Variants in MBNL2 observed in about 807,000 individuals in gnomAD.
MBNL2 encodes muscleblind-like protein 2.
In MBNL2, 17 loss-of-function variants were observed where a neutral mutation model predicts 41.9. The ratio of observed to expected loss-of-function variants is 0.41; its 90% confidence interval spans 0.28 to 0.61. The LOEUF is 0.61. MBNL2 is among the 20% of genes least tolerant of loss of function. The pLI, the probability that MBNL2 is intolerant of heterozygous loss-of-function variation, is 0.35. For synonymous variants in MBNL2, 195 were observed against 182.9 expected (o/e 1.07, Z -0.53); for missense variants, 336 against 505.6 (o/e 0.66, Z 3.22).
the MBNL2 span, among the ~76,000 whole-genome samples, chr13:97,181,582 C>T: frequency 2.0e-5 from 3 of 152,162 alleles, no homozygotes; most frequent in African/African-American, 7.2e-5. Context: ...CCCTTTTGAA[C>T]ACGTATAGGA....
chr13:97,382,698 G>T (rs1451795669), intron 8 of MBNL2, among the ~76,000 whole-genome samples: 1 of 149,550 alleles, frequency 6.7e-6, no homozygotes, highest in African/African-American at 2.5e-5. Flanking sequence ...TTTTGAAAAG[G>T]GTGTCTCACT....
At chr13:97,311,670 A>T (rs1288081186) in intron 2 of MBNL2, among the ~76,000 whole-genome samples, 8 of 151,266 alleles carry the variant, frequency 5.3e-5, no homozygotes, top group East Asian at 3.9e-4. Flanking sequence ...TTTTTTTTTA[A>T]AAAAAAACCA....
At chr13:97,368,736 G>A (rs1372138856) in intron 8 of MBNL2, among the ~76,000 whole-genome samples, 2 of 145,818 alleles carry the variant, frequency 1.4e-5, no homozygotes, top group African/African-American at 5.1e-5. Context: ...GTTCGTGTCT[G>A]TGTATGTGTG....
At chr13:97,367,482 C>CA (rs1363790547) in intron 8 of MBNL2, among the ~76,000 whole-genome samples, 1 of 152,130 alleles carries the variant, frequency 6.6e-6, no homozygotes, top group African/African-American at 2.4e-5. Flanking sequence ...TAAAAGATGA[C>CA]AAGGGATAAA....
intron 1 of MBNL2, among the ~76,000 whole-genome samples, chr13:97,266,988 T>C (rs758099345): frequency 2.0e-5 from 3 of 152,178 alleles, no homozygotes; most frequent in Non-Finnish European, 4.4e-5. Context: ...GACCCGAAAG[T>C]AAACTGGAGG....
chr13:97,266,886 T>G (rs772455757), intron 1 of MBNL2, among the ~76,000 whole-genome samples: 33 of 152,222 alleles, frequency 2.2e-4, no homozygotes, highest in Non-Finnish European at 2.9e-5. Context: ...AGTTCTTGAC[T>G]GTCTGACTCA....
In MBNL2 at chr13:97,305,353, T is replaced by C. The variant is rs578043357; in HGVS notation, c.175-28923T>C. Reference sequence around the variant, plus strand: ...GGAAATAATAGTGAAATCTAAGAGGTACACATGTATCAGATGATATGAGCA... The same window carrying C: ...GGAAATAATAGTGAAATCTAAGAGGCACACATGTATCAGATGATATGAGCA... On this transcript the variant is annotated intron_variant, in intron 2 of 8. Coordinates refer to ENST00000679496, the MANE Select transcript of MBNL2 (RefSeq NM_001382683.1). Among the ~76,000 whole-genome samples the C allele has an allele frequency of 3.9e-5, 6 of 152,324 alleles. No homozygotes were observed. The South Asian group carries it at 1.2e-3, about 32-fold the overall frequency.
At chr13:97,154,216 A>T in the MBNL2 span, among the ~76,000 whole-genome samples, 1 of 152,272 alleles carries the variant, frequency 6.6e-6, no homozygotes, top group African/African-American at 2.4e-5. Flanking sequence ...GTTAGACTGG[A>T]GATGGACTGA....
Position 97,382,825 on chromosome 13 carries a change from AT to A in MBNL2, c.1049-8490del, listed in dbSNP as rs1189495166. Among the ~76,000 whole-genome samples, 3 of 151,864 alleles carry A rather than the reference AT, an allele frequency of 2.0e-5. No homozygotes were observed. The East Asian group carries it at 5.8e-4, about 29-fold the overall frequency. On this transcript the variant is annotated intron_variant, in intron 8 of 8. Coordinates refer to ENST00000679496, the MANE Select transcript of MBNL2 (RefSeq NM_001382683.1). ...GCCTCACTTGGGCCATGCCTGGCTA[AT>A]TTTTTTGTAGAGACAGGGTTTCACT...
chr13:97,281,386 A>G (rs1259921728), intron 2 of MBNL2, among the ~76,000 whole-genome samples: 1 of 152,258 alleles, frequency 6.6e-6, no homozygotes, highest in Admixed American at 6.5e-5. Context: ...CTCTGGAAGT[A>G]TAATACAACA....
At chr13:97,213,340 G>C in the MBNL2 span, among the ~76,000 whole-genome samples, 2 of 152,064 alleles carry the variant, frequency 1.3e-5, no homozygotes, top group Non-Finnish European at 2.9e-5. Context: ...ACCTGGGCCA[G>C]AGTTTTCCAA....
intron 2 of MBNL2, among the ~76,000 whole-genome samples, chr13:97,310,874 T>A (rs1373785201): frequency 6.6e-6 from 1 of 151,872 alleles, no homozygotes; most frequent in Non-Finnish European, 1.5e-5. Flanking sequence ...AGATGAACTC[T>A]TTATTAGATA....
At position 97,227,452 on chromosome 13, in the gene MBNL2, C is replaced by G. The variant is rs570278394; in HGVS notation, c.-605+4921C>G. ...TACAAATGAGATAAGGATGGTTAAG[C>G]ACTCAAATGTCTTCAGAAGGAGAAT... On this transcript the variant is annotated intron_variant, in intron 1 of 8. Coordinates refer to ENST00000679496, the MANE Select transcript of MBNL2 (RefSeq NM_001382683.1). Among the ~76,000 whole-genome samples, 34 of 152,322 alleles carry G rather than the reference C, an allele frequency of 2.2e-4. No homozygotes were observed. In the South Asian group the frequency reaches 6.8e-3, roughly 31 times the overall value.
At chr13:97,372,268 CA>C (rs1170201945) in intron 8 of MBNL2, among the ~76,000 whole-genome samples, 5 of 152,136 alleles carry the variant, frequency 3.3e-5, no homozygotes, top group African/African-American at 1.2e-4. Flanking sequence ...ATCACATCTC[CA>C]AAAATGATCA....
At chr13:97,182,527 A>G in the MBNL2 span, among the ~76,000 whole-genome samples, 1 of 152,204 alleles carries the variant, frequency 6.6e-6, no homozygotes, top group African/African-American at 2.4e-5. Flanking sequence ...AACTGATGAG[A>G]CACCACAATG....
intron 1 of MBNL2, among the ~76,000 whole-genome samples, chr13:97,259,354 G>T (rs1293335641): frequency 6.6e-6 from 1 of 152,100 alleles, no homozygotes; most frequent in Non-Finnish European, 1.5e-5. Context: ...CCTTTTCACA[G>T]TCCGGGGCAT....
At chr13:97,277,384 A>C (rs2052379933) in intron 2 of MBNL2, among the ~76,000 whole-genome samples, 1 of 152,216 alleles carries the variant, frequency 6.6e-6, no homozygotes, top group African/African-American at 2.4e-5. Flanking sequence ...GCAAGACTTC[A>C]GCAAGGTTAC....
At chr13:97,144,031 A>G in the MBNL2 span, among the ~76,000 whole-genome samples, 1 of 152,128 alleles carries the variant, frequency 6.6e-6, no homozygotes, top group East Asian at 1.9e-4. Context: ...TTTAGTAGAG[A>G]CAGGGTTTCA....
intron 1 of MBNL2, among the ~76,000 whole-genome samples, chr13:97,248,373 G>A (rs1377071459): frequency 6.6e-6 from 1 of 152,216 alleles, no homozygotes; most frequent in African/African-American, 2.4e-5. Flanking sequence ...TCGACCTCAG[G>A]TATCTGCTGC....
Sources: allele counts gnomAD v4.1 joint callset (sites outside exome capture counted in the v4.1 genomes callset), GRCh38; gene constraint gnomAD v4.1.1; transcripts MANE v1.5; gene names NCBI Gene and HGNC (gene_info 2026-07-23, HGNC 2026-07-21).